The following DROSHA variants were observed in gnomAD, a reference collection of about 807,000 sequenced individuals.
The protein encoded by DROSHA is drosha ribonuclease III, also known as ribonuclease 3.
A neutral mutation model predicts 181.9 loss-of-function variants in DROSHA; 56 were observed. The observed-to-expected ratio is 0.31, with a 90% CI of 0.25 to 0.38. DROSHA has a LOEUF of 0.38. Among genes scored for constraint, DROSHA ranks in the 10% least tolerant of loss-of-function variants. DROSHA has a pLI of 1.00. For synonymous variants in DROSHA, 524 were observed against 591.2 expected (o/e 0.89, Z 1.65); for missense variants, 1,218 against 1,743.5 (o/e 0.70, Z 5.37).
Position 31,514,264 on chromosome 5 carries a change from C to T in DROSHA, c.1290+724G>A, listed in dbSNP as rs10472775. On this transcript the variant is annotated intron_variant, in intron 8 of 35. Coordinates refer to ENST00000344624, the MANE Select transcript of DROSHA (RefSeq NM_001382508.1). The surrounding 1 kb of genome is among the most constrained non-coding windows in gnomAD (Gnocchi z 4.4). ...ACACACACACACACACACACACATA[C>T]ACATACACACTACAAACTGCATAAA... 2.0e-5 allele frequency among the ~76,000 whole-genome samples: 3 copies of T among 149,154 alleles called. No homozygotes were observed. The highest frequency in any genetic ancestry group is 2.1e-4 in the South Asian group (1 of 4,728).
At chr5:31,450,585 A>T (rs551738828) in intron 21 of DROSHA, among the ~76,000 whole-genome samples, 1 of 152,206 alleles carries the variant, frequency 6.6e-6, no homozygotes, top group South Asian at 2.1e-4. Context: ...GAAACAGAAA[A>T]CCAAATACCG....
chr5:31,510,578 T>C lies in DROSHA; in HGVS notation c.1432+457A>G, dbSNP rs191963371. Among the ~76,000 whole-genome samples the C allele has an allele frequency of 6.6e-5, 10 of 152,282 alleles. No individual in the cohort carries two copies. The East Asian group carries it at 1.2e-3, about 18-fold the overall frequency. On this transcript the variant is annotated intron_variant, in intron 9 of 35. Transcript: ENST00000344624. ...ACCTCAGAACATACACATGAAAAAATAGACCACCTTATGAAAAAGCTATGC... is the reference window on the plus strand; with the variant it reads ...ACCTCAGAACATACACATGAAAAAACAGACCACCTTATGAAAAAGCTATGC...
At chr5:31,415,627 T>C (rs1289442951) in intron 30 of DROSHA, among the ~76,000 whole-genome samples, 1 of 152,208 alleles carries the variant, frequency 6.6e-6, no homozygotes, top group African/African-American at 2.4e-5. Flanking sequence ...TTATCCCAAA[T>C]CATTAAAAAC....
chr5:31,511,107 T>C lies in DROSHA; in HGVS notation c.1360A>G (p.Ser454Gly), dbSNP rs769802952. 6.2e-7 allele frequency: 1 copy of C among 1,613,822 alleles called. No homozygotes were observed. The highest frequency in any genetic ancestry group is 2.2e-5 in the East Asian group (1 of 44,850). The change falls in exon 9 of 36, where the codon AGC becomes GGC. Residue 454 changes from serine to glycine, a missense_variant. By Grantham distance (56) the Ser-to-Gly change is moderately conservative (BLOSUM62 0). Around this residue, in one of 8 missense-constraint regions of DROSHA, gnomAD observed 460 missense variants for 774.2 expected, o/e 0.59. Coordinates refer to ENST00000344624, the MANE Select transcript of DROSHA (RefSeq NM_001382508.1). ...LYDKFEEELG[S>G]RQEKAKAARP... is the part of the protein sequence containing the mutation. ...GCAGCTTTGGCCTTTTCTTGCCTGC[T>C]CCCCAACTCCTCCTCAAATTTGTCA...
At chr5:31,408,073 C>T (rs1220300189) in intron 33 of DROSHA, among the ~76,000 whole-genome samples, 1 of 152,022 alleles carries the variant, frequency 6.6e-6, no homozygotes, top group South Asian at 2.1e-4. Context: ...TTCTTCTGGC[C>T]TTAGTTTCTC....
At chr5:31,415,779 C>T (rs1353920431) in intron 30 of DROSHA, among the ~76,000 whole-genome samples, 2 of 152,226 alleles carry the variant, frequency 1.3e-5, no homozygotes, top group Non-Finnish European at 1.5e-5. Context: ...GAGGAGAAAA[C>T]TCCTATGGCT....
At chr5:31,456,493 C>G (rs1561191223) in intron 20 of DROSHA, among the ~76,000 whole-genome samples, 1 of 150,004 alleles carries the variant, frequency 6.7e-6, no homozygotes, top group African/African-American at 2.5e-5. Context: ...CACACACACA[C>G]AGACACACAC....
rs535567243 is a variant in DROSHA at position 31,519,542 on chromosome 5, C to T, written c.947+1581G>A. ...ACAAAAACACCATGTTTTTAATTACCATGTTGATTGTATCACAAGGATATT... is the reference window on the plus strand; with the variant it reads ...ACAAAAACACCATGTTTTTAATTACTATGTTGATTGTATCACAAGGATATT... On this transcript the variant is annotated intron_variant, in intron 6 of 35. Coordinates refer to ENST00000344624, the MANE Select transcript of DROSHA (RefSeq NM_001382508.1). Among the ~76,000 whole-genome samples, 4 of 152,240 alleles carry T rather than the reference C, an allele frequency of 2.6e-5. No homozygotes were observed. In the South Asian group the frequency reaches 8.3e-4, roughly 32 times the overall value.
In DROSHA at chr5:31,518,288, T is replaced by C. The variant is rs976274275; in HGVS notation, c.948-2724A>G. 1.3e-5 allele frequency among the ~76,000 whole-genome samples: 2 copies of C among 152,364 alleles called. 1 individual carries two copies. Among genetic ancestry groups the C allele is most frequent in the Middle Eastern group, 6.8e-3 (2 of 294 alleles). On this transcript the variant is annotated intron_variant, in intron 6 of 35. Transcript: ENST00000344624. ...ACCAACATTGTATACAGTCTGTCACTGAAATGCCATGTGGTACGTGACTAT... is the reference window on the plus strand; with the variant it reads ...ACCAACATTGTATACAGTCTGTCACCGAAATGCCATGTGGTACGTGACTAT...
intron 35 of DROSHA, among the ~76,000 whole-genome samples, chr5:31,404,946 C>A (rs1269673863): frequency 6.6e-6 from 1 of 151,480 alleles, no homozygotes; most frequent in African/African-American, 2.4e-5. Flanking sequence ...CATTATTGAG[C>A]AAAAAAAGGT....
At chr5:31,466,116 A>G (rs1476333233) in intron 19 of DROSHA, 66 bp downstream of exon 19, 1 of 1,518,044 alleles carries the variant, frequency 6.6e-7, no homozygotes, top group Non-Finnish European at 9.1e-7. Context: ...AGTGTGATAC[A>G]ACAATCACGA....
chr5:31,421,418 T>C, intron 29 of DROSHA, 41 bp from the exon 30 acceptor site: 1 of 1,500,466 alleles, frequency 6.7e-7, no homozygotes, highest in South Asian at 1.2e-5. Flanking sequence ...CAATAACCAT[T>C]TATGGATTTC....
At position 31,515,686 on chromosome 5, in the gene DROSHA, C is replaced by T. The variant is rs527986565; in HGVS notation, c.948-122G>A. 3.7e-6 allele frequency: 5 copies of T among 1,350,450 alleles called. No individual in the cohort carries two copies. In the South Asian group the frequency reaches 4.5e-5, roughly 12 times the overall value. The allele number at this position is 1,350,450 out of a possible 1,614,324, so 83.7% of individuals were successfully genotyped here. A position where few individuals can be genotyped will look rare whatever the true frequency, so the allele number is the denominator to read the frequency against. On this transcript the variant is annotated intron_variant, in intron 6 of 35. Coordinates refer to ENST00000344624, the MANE Select transcript of DROSHA (RefSeq NM_001382508.1). ...TTGCCAGGAAAAAAAGATTTTAAGACTTCACAAAACAGGGTCTCAATATGG... is the reference window on the plus strand; with the variant it reads ...TTGCCAGGAAAAAAAGATTTTAAGATTTCACAAAACAGGGTCTCAATATGG...
At chr5:31,507,376 C>A (rs1437378420) in intron 10 of DROSHA, among the ~76,000 whole-genome samples, 1 of 149,588 alleles carries the variant, frequency 6.7e-6, no homozygotes, top group African/African-American at 2.5e-5. Context: ...AGGAGAATCA[C>A]TTGAACCCAG....
chr5:31,422,354 A>G (rs1171375834), intron 29 of DROSHA, among the ~76,000 whole-genome samples: 1 of 152,122 alleles, frequency 6.6e-6, no homozygotes, highest in Non-Finnish European at 1.5e-5. Flanking sequence ...CAGGGGTCAG[A>G]GAGCCAAATC....
chr5:31,470,379 T>C lies in DROSHA; in HGVS notation c.2241+1684A>G, dbSNP rs1426463975. Among the ~76,000 whole-genome samples the C allele has an allele frequency of 6.6e-6, 1 of 152,190 alleles. No homozygotes were observed. The highest frequency in any genetic ancestry group is 1.5e-5 in the Non-Finnish European group (1 of 68,024). ...GCTCAACCATTCATCAAAGACTCCT[T>C]TCATATGTTAGTGGTCTTTGGGTTT... On this transcript the variant is annotated intron_variant, in intron 17 of 35. Coordinates refer to ENST00000344624, the MANE Select transcript of DROSHA (RefSeq NM_001382508.1). The surrounding 1 kb of genome is among the most constrained non-coding windows in gnomAD (Gnocchi z 4.0).
At chr5:31,518,560 C>T (rs966146335) in intron 6 of DROSHA, among the ~76,000 whole-genome samples, 1 of 152,194 alleles carries the variant, frequency 6.6e-6, no homozygotes, top group Non-Finnish European at 1.5e-5. Flanking sequence ...AAAATACTGT[C>T]AGGTAATAAC....
intron 4 of DROSHA, 68 bp from the exon 5 acceptor site, chr5:31,526,980 T>G (rs1740673403): frequency 1.4e-6 from 2 of 1,412,264 alleles, no homozygotes; most frequent in Non-Finnish European, 1.9e-6. Flanking sequence ...AAACAGGGTT[T>G]CATAAATGCC....
At chr5:31,491,698 G>GAAA (rs373333477) in intron 13 of DROSHA, among the ~76,000 whole-genome samples, 11 of 146,506 alleles carry the variant, frequency 7.5e-5, no homozygotes, top group African/African-American at 2.0e-4. Context: ...TGTGACACTT[G>GAAA]AAAAAAAAAA....
Sources: gnomAD v4.1 joint callset for allele counts (sites outside exome capture counted in the v4.1 genomes callset) on GRCh38, gnomAD v4.1.1 for gene constraint, gnomAD v4.1.1 regional missense constraint, Gnocchi (gnomAD v3.1) non-coding constraint, MANE v1.5 for transcripts, NCBI Gene and HGNC (gene_info 2026-07-23, HGNC 2026-07-21) for gene names.